Variants in CLYBL observed in about 807,000 individuals in gnomAD.
CLYBL encodes the protein citramalyl-CoA lyase, also known as citramalyl-CoA lyase, mitochondrial.
CLYBL carries 31 observed loss-of-function variants against 38.9 expected under a neutral mutation model. That is an observed-to-expected ratio of 0.80 (90% confidence interval 0.60 to 1.08). The LOEUF (loss-of-function observed/expected upper bound fraction) is 1.08. CLYBL is among the 50% of genes least tolerant of loss of function. The pLI is 0.00. For synonymous variants in CLYBL, 171 were observed against 158.6 expected (o/e 1.08, Z -0.59); for missense variants, 434 against 411.6 (o/e 1.05, Z -0.47).
At chr13:99,667,403 T>C (rs1005426954) in intron 1 of CLYBL, among the ~76,000 whole-genome samples, 2 of 150,298 alleles carry the variant, frequency 1.3e-5, no homozygotes, top group Non-Finnish European at 3.0e-5. Flanking sequence ...ATGGAAAGGA[T>C]TGCAGTATAG....
intron 1 of CLYBL, among the ~76,000 whole-genome samples, chr13:99,684,599 C>T (rs1236810023): frequency 6.6e-6 from 1 of 152,186 alleles, no homozygotes; most frequent in African/African-American, 2.4e-5. Context: ...AAGGATCAGC[C>T]TTCTTAACCC....
At chr13:99,710,192 G>A (rs139566198) in intron 1 of CLYBL, among the ~76,000 whole-genome samples, 3,292 of 152,078 alleles carry the variant, frequency 0.022, 118 homozygotes, top group African/African-American at 0.075. Context: ...GATTACAAGC[G>A]TGAGCCACCG....
At chr13:99,824,556 T>C (rs1229640230) in intron 2 of CLYBL, among the ~76,000 whole-genome samples, 1 of 152,180 alleles carries the variant, frequency 6.6e-6, no homozygotes, top group East Asian at 1.9e-4. Context: ...AATTAATTAG[T>C]ATCAGCCCAG....
At chr13:99,770,080 C>CTTTTTTTTTTTTTTTTTTTTTT (rs3033589) in intron 1 of CLYBL, among the ~76,000 whole-genome samples, 2 of 103,182 alleles carry the variant, frequency 1.9e-5, no homozygotes, top group East Asian at 3.2e-4. Flanking sequence ...TCTTTTCTTT[C>CTTTTTTTTTTTTTTTTTTTTTT]TTTTTTTTTT....
intron 2 of CLYBL, among the ~76,000 whole-genome samples, chr13:99,802,095 A>C (rs1046012620): frequency 3.9e-5 from 6 of 152,224 alleles, no homozygotes; most frequent in Non-Finnish European, 5.9e-5. Context: ...GGCTGCTGTA[A>C]CAAAACACTG....
chr13:99,869,486 C>T lies in CLYBL; in HGVS notation c.803-1452C>T, dbSNP rs566707200. Among the ~76,000 whole-genome samples the T allele has an allele frequency of 5.3e-5, 8 of 152,064 alleles. No individual in the cohort carries two copies. The highest frequency in any genetic ancestry group is 1.2e-4 in the Non-Finnish European group (8 of 67,966). On this transcript the variant is annotated intron_variant, in intron 6 of 8. Transcript: ENST00000339105. This position sits in a 1 kb window ranked among gnomAD's most constrained non-coding sequence, Gnocchi z 4.3. ...CCCTCTTGTCATCCCTCATGTTATT[C>T]GTTCCCAGAAATTATTCCTCAGGTA...
At chr13:99,777,790 C>G (rs1307920342) in intron 2 of CLYBL, among the ~76,000 whole-genome samples, 2 of 152,168 alleles carry the variant, frequency 1.3e-5, no homozygotes, top group Non-Finnish European at 2.9e-5. Context: ...TGAGAATTTT[C>G]TGTTACAAGT....
chr13:99,838,722 G>A (rs1478813012), intron 2 of CLYBL, among the ~76,000 whole-genome samples: 5 of 152,088 alleles, frequency 3.3e-5, no homozygotes, highest in South Asian at 2.1e-4. Flanking sequence ...TGCAAGCTCC[G>A]CCTCCCAGGT....
chr13:99,889,042 A>G (rs937963739), intron 7 of CLYBL, among the ~76,000 whole-genome samples: 1 of 152,234 alleles, frequency 6.6e-6, no homozygotes, highest in Non-Finnish European at 1.5e-5. Context: ...CTTAAGCTTC[A>G]TTAAAGAAAA....
At chr13:99,705,717 C>A (rs998756955) in intron 1 of CLYBL, among the ~76,000 whole-genome samples, 1 of 151,790 alleles carries the variant, frequency 6.6e-6, no homozygotes, top group Non-Finnish European at 1.5e-5. Flanking sequence ...ATTCACAGCA[C>A]AGAAATGCGA....
intron 2 of CLYBL, among the ~76,000 whole-genome samples, chr13:99,800,565 C>G (rs137893491): frequency 6.6e-6 from 1 of 152,184 alleles, no homozygotes; most frequent in Non-Finnish European, 1.5e-5. Context: ...CCAATACAAT[C>G]CCTTTTGGCT....
intron 2 of CLYBL, among the ~76,000 whole-genome samples, chr13:99,774,150 G>A (rs11843986): frequency 6.8e-4 from 103 of 151,998 alleles, no homozygotes; most frequent in African/African-American, 2.3e-3. Flanking sequence ...GTAGAATCAC[G>A]TGAGCCCGAG....
chr13:99,761,517 T>A (rs1199656556), intron 1 of CLYBL, among the ~76,000 whole-genome samples: 1 of 152,186 alleles, frequency 6.6e-6, no homozygotes, highest in African/African-American at 2.4e-5. Context: ...TTCATTCTTT[T>A]TTATGGCAAA....
intron 1 of CLYBL, among the ~76,000 whole-genome samples, chr13:99,614,728 C>T (rs1056386459): frequency 4.6e-5 from 7 of 152,094 alleles, no homozygotes; most frequent in African/African-American, 1.7e-4. Flanking sequence ...ATCTAGAGGA[C>T]ATTGAGTTAC....
intron 1 of CLYBL, among the ~76,000 whole-genome samples, chr13:99,699,801 G>A (rs2048035895): frequency 6.6e-6 from 1 of 151,568 alleles, no homozygotes; most frequent in South Asian, 2.1e-4. Context: ...AGACCATCCT[G>A]GCTAACAAGG....
intron 2 of CLYBL, among the ~76,000 whole-genome samples, chr13:99,837,980 CCTCT>C (rs1165998298): frequency 6.6e-6 from 1 of 152,190 alleles, no homozygotes; most frequent in African/African-American, 2.4e-5. Flanking sequence ...GGTTTTCCCT[CCTCT>C]CTGTCAAGTG....
At chr13:99,876,496 C>T (rs1278622908) in intron 7 of CLYBL, among the ~76,000 whole-genome samples, 1 of 150,398 alleles carries the variant, frequency 6.6e-6, no homozygotes, top group African/African-American at 2.4e-5. Flanking sequence ...TTGCTTTGTC[C>T]TTAATTTATA....
At chr13:99,828,049 G>T (rs913864654) in intron 2 of CLYBL, among the ~76,000 whole-genome samples, 25 of 152,270 alleles carry the variant, frequency 1.6e-4, no homozygotes, top group African/African-American at 6.0e-4. Context: ...GCCCTTCTGG[G>T]GATGCAGGAC....
rs532773123 is a variant in CLYBL at position 99,792,020 on chromosome 13, A to G, written c.249+19010A>G. ...CACTTTTCCACTTAAGCTCCTATAT[A>G]GATTTCTTAACATGAGGGGGCTGGA... On this transcript the variant is annotated intron_variant, in intron 2 of 8. Transcript: ENST00000339105. 9.8e-5 allele frequency among the ~76,000 whole-genome samples: 15 copies of G among 152,318 alleles called. 1 individual carries two copies. Among genetic ancestry groups the G allele is most frequent in the Middle Eastern group, 3.4e-3 (1 of 294 alleles).
Sources: allele counts gnomAD v4.1 joint callset (sites outside exome capture counted in the v4.1 genomes callset), GRCh38; gene constraint gnomAD v4.1.1; non-coding constraint Gnocchi (gnomAD v3.1); transcripts MANE v1.5; gene names NCBI Gene and HGNC (gene_info 2026-07-23, HGNC 2026-07-21).